Variants in ENAH observed in about 807,000 individuals in gnomAD.
The protein encoded by ENAH is protein enabled homolog.
Under a neutral mutation model 78.7 loss-of-function variants are expected in ENAH, and 23 were observed. That is an observed-to-expected ratio of 0.29 (90% CI 0.21 to 0.41). ENAH has a LOEUF of 0.41. Among genes scored for constraint, ENAH ranks in the 10% least tolerant of loss-of-function variants. The pLI is 1.00. For synonymous variants in ENAH, 226 were observed against 241.0 expected, an observed-to-expected ratio of 0.94 and a Z score of 0.58; for missense variants, 544 against 691.0, an observed-to-expected ratio of 0.79 and a Z score of 2.39.
rs2096212759 is a variant in ENAH, at chr1:225,489,485, T to C, written c.*8290A>G. The C allele has an allele frequency of 6.6e-6, 1 of 152,166 alleles. No individual in the cohort carries two copies. The allele number at this position is 152,166 out of a possible 1,614,324, so 9.4% of individuals were successfully genotyped here. Reference sequence around the variant, plus strand: ...GCATGCTGTCCAGTGCAATAGCGTCTATGACTATAAAACAACTAAAAGCTG... The same window carrying C: ...GCATGCTGTCCAGTGCAATAGCGTCCATGACTATAAAACAACTAAAAGCTG... On this transcript the variant is annotated 3_prime_UTR_variant, in exon 14 of 14. Coordinates refer to ENST00000366843, the MANE Select transcript of ENAH (RefSeq NM_018212.6).
At position 225,489,354 on chromosome 1, in the gene ENAH, G is replaced by A. The variant is rs1304313840; in HGVS notation, c.*8421C>T. On this transcript the variant is annotated 3_prime_UTR_variant, in exon 14 of 14. Coordinates refer to ENST00000366843, the MANE Select transcript of ENAH (RefSeq NM_018212.6). Reference sequence around the variant, plus strand: ...AATTCAAACTGTGAAAGCACGTGGCGCAGAGGAAACTGACACAGAACAGCA... The same window carrying A: ...AATTCAAACTGTGAAAGCACGTGGCACAGAGGAAACTGACACAGAACAGCA... The A allele has an allele frequency of 6.6e-6, 1 of 152,124 alleles. No homozygotes were observed. The highest frequency in any genetic ancestry group is 1.9e-4 in the East Asian group (1 of 5,190). 9.4% of individuals were successfully genotyped at this position (152,124 alleles called of 1,614,324 possible).
At chr1:225,605,368 C>T (rs768153721) in intron 1 of ENAH, among the ~76,000 whole-genome samples, 1 of 152,144 alleles carries the variant, frequency 6.6e-6, no homozygotes, top group Non-Finnish European at 1.5e-5. Context: ...TAACATACAT[C>T]GTCCTTAATT....
chr1:225,617,771 A>T (rs539264645), intron 1 of ENAH, among the ~76,000 whole-genome samples: 8 of 152,158 alleles, frequency 5.3e-5, no homozygotes, highest in Non-Finnish European at 8.8e-5. Context: ...TCCAACACAC[A>T]ATATGAATAA....
intron 1 of ENAH, among the ~76,000 whole-genome samples, chr1:225,629,540 T>C (rs1241697054): frequency 1.3e-5 from 2 of 148,956 alleles, no homozygotes; most frequent in African/African-American, 5.0e-5. Flanking sequence ...TGAGCCGAGA[T>C]CATGCCACTG....
chr1:225,540,982 C>T (rs1452559324), intron 3 of ENAH, among the ~76,000 whole-genome samples: 1 of 152,184 alleles, frequency 6.6e-6, no homozygotes, highest in Non-Finnish European at 1.5e-5. Flanking sequence ...AAAAACCCCA[C>T]ATATTTTATG....
chr1:225,582,943 G>A (rs1282869004), intron 1 of ENAH, among the ~76,000 whole-genome samples: 1 of 152,124 alleles, frequency 6.6e-6, no homozygotes, highest in African/African-American at 2.4e-5. Flanking sequence ...TACTTGAAAT[G>A]GCTAGAGAAA....
At position 225,567,236 on chromosome 1, in the gene ENAH, A is replaced by G. The variant is rs376410909; in HGVS notation, c.171+13T>C. 5 of 1,610,392 alleles carry G rather than the reference A, an allele frequency of 3.1e-6. No individual in the cohort carries two copies. In the African/African-American group the frequency reaches 6.7e-5, roughly 22 times the overall value. ...CTAAATCATTTTTAACAACAATTGT[A>G]GTAAAGCCTTACCTGATGGTCCTGA... is the stretch of plus-strand genomic sequence containing the variant. On this transcript the variant is annotated intron_variant, in intron 2 of 13. Coordinates refer to ENST00000366843, the MANE Select transcript of ENAH (RefSeq NM_018212.6).
chr1:225,518,532 C>G (rs1298786033), intron 5 of ENAH, among the ~76,000 whole-genome samples: 3 of 152,128 alleles, frequency 2.0e-5, no homozygotes, highest in Non-Finnish European at 2.9e-5. Flanking sequence ...AATAAACCAA[C>G]CAACCAACCA....
At chr1:225,546,066 G>A (rs1166097976) in intron 3 of ENAH, among the ~76,000 whole-genome samples, 1 of 151,878 alleles carries the variant, frequency 6.6e-6, no homozygotes. Context: ...TAGGGCTATA[G>A]ATGTACGCCA....
chr1:225,570,458 T>C (rs2096755994), intron 1 of ENAH, among the ~76,000 whole-genome samples: 1 of 151,606 alleles, frequency 6.6e-6, no homozygotes, highest in South Asian at 2.1e-4. Flanking sequence ...TGCCTCCCCT[T>C]CCACCTCCTT....
intron 2 of ENAH, among the ~76,000 whole-genome samples, chr1:225,559,394 T>TG (rs1376875409): frequency 6.6e-6 from 1 of 152,238 alleles, no homozygotes; most frequent in Non-Finnish European, 1.5e-5. Flanking sequence ...GTGGTATATA[T>TG]GTCAATTAGG....
intron 1 of ENAH, among the ~76,000 whole-genome samples, chr1:225,605,115 G>C (rs2096950376): frequency 6.6e-6 from 1 of 152,096 alleles, no homozygotes; most frequent in Non-Finnish European, 1.5e-5. Flanking sequence ...ATGATGATTG[G>C]AAATTCTGAC....
chr1:225,633,313 G>A (rs987455308), intron 1 of ENAH, among the ~76,000 whole-genome samples: 6 of 151,558 alleles, frequency 4.0e-5, no homozygotes, highest in Admixed American at 2.6e-4. Flanking sequence ...GCCTCCCGAA[G>A]TGCTGGGATT....
intron 4 of ENAH, among the ~76,000 whole-genome samples, chr1:225,520,813 A>G (rs527849918): frequency 2.6e-5 from 4 of 152,162 alleles, no homozygotes; most frequent in Admixed American, 6.5e-5. Context: ...ATAAGATTGC[A>G]TCATCACACA....
chr1:225,497,658 T>G lies in ENAH; in HGVS notation c.*117A>C. The G allele has an allele frequency of 9.9e-7, 1 of 1,011,454 alleles. No individual in the cohort carries two copies. Among genetic ancestry groups the G allele is most frequent in the Non-Finnish European group, 1.4e-6 (1 of 694,390 alleles). The allele number at this position is 1,011,454 out of a possible 1,614,324, so 62.7% of individuals were successfully genotyped here. Reference sequence around the variant, plus strand: ...TAGGTTGGTTTTTCCCTCCTTCTGTTTGTCTCCATTTTCTTCTTACAGCTC... The same window carrying G: ...TAGGTTGGTTTTTCCCTCCTTCTGTGTGTCTCCATTTTCTTCTTACAGCTC... On this transcript the variant is annotated 3_prime_UTR_variant, in exon 14 of 14. Coordinates refer to ENST00000366843, the MANE Select transcript of ENAH (RefSeq NM_018212.6).
intron 5 of ENAH, chr1:225,517,726 G>A (rs2096432918): frequency 6.4e-7 from 1 of 1,551,126 alleles, no homozygotes; most frequent in Non-Finnish European, 8.7e-7. Context: ...TTTGTTCAGA[G>A]GACGAGGAAC....
intron 1 of ENAH, among the ~76,000 whole-genome samples, chr1:225,593,646 T>C (rs1285961408): frequency 6.6e-6 from 1 of 152,148 alleles, no homozygotes; most frequent in African/African-American, 2.4e-5. Flanking sequence ...ACTTTGGCAA[T>C]GTGTTCAGAA....
chr1:225,637,491 G>C (rs984896086), intron 1 of ENAH, among the ~76,000 whole-genome samples: 15 of 152,162 alleles, frequency 9.9e-5, no homozygotes, highest in Non-Finnish European at 2.2e-4. Flanking sequence ...ACAGGCGTGA[G>C]CCACCGTGCA....
In ENAH at chr1:225,500,944, T is replaced by A. The variant is rs532947450; in HGVS notation, c.1617+48A>T. The A allele has an allele frequency of 1.8e-5, 28 of 1,550,412 alleles. No individual in the cohort carries two copies. The Admixed American group carries it at 2.4e-4, about 13-fold the overall frequency. ...AAAGATATGCATATGGGATATTTTT[T>A]AAAAAGAAACAAGTACAAATAAAGG... On this transcript the variant is annotated intron_variant, in intron 12 of 13. Transcript: ENST00000366843.
Sources: allele counts gnomAD v4.1 joint callset (sites outside exome capture counted in the v4.1 genomes callset), GRCh38; gene constraint gnomAD v4.1.1; transcripts MANE v1.5; gene names NCBI Gene and HGNC (gene_info 2026-07-23, HGNC 2026-07-21).